HOMER2: variants seen among roughly 807,000 people sequenced by gnomAD.
The protein encoded by HOMER2 is homer protein homolog 2.
HOMER2 carries 27 observed loss-of-function variants against 47.0 expected under a neutral mutation model. The observed-to-expected ratio is 0.57, with a 90% CI of 0.42 to 0.79. The LOEUF is 0.79. HOMER2 is among the 30% of genes least tolerant of loss of function. HOMER2 has a pLI of 0.00. For missense variants in HOMER2, 443 were observed against 435.0 expected (o/e 1.02, Z -0.16); for synonymous variants, 161 against 163.8 (o/e 0.98, Z 0.13).
intron 4 of HOMER2, among the ~76,000 whole-genome samples, chr15:82,863,664 T>C (rs912255149): frequency 1.3e-5 from 2 of 152,158 alleles, no homozygotes; most frequent in Non-Finnish European, 2.9e-5. Context: ...TTAAAATAGG[T>C]CCTTTTCAGT....
At chr15:82,974,995 A>C (rs1757211877) in intron 1 of HOMER2, among the ~76,000 whole-genome samples, 1 of 152,108 alleles carries the variant, frequency 6.6e-6, no homozygotes, top group African/African-American at 2.4e-5. Flanking sequence ...ACGTGAACCC[A>C]GGTGGCAGAG....
At position 82,983,750 on chromosome 15, in the gene HOMER2, C is replaced by T. The variant is rs368613701; in HGVS notation, n.82+2037G>A. ...GATTACAGGCGCCCCTGACCACGCC[C>T]GGCTAATTTTTTTGATTTTTTAGTA... On this transcript the variant is annotated intron_variant and non_coding_transcript_variant, in intron 1 of 1. Transcript: ENST00000500334. Among the ~76,000 whole-genome samples, 13 of 151,994 alleles carry T rather than the reference C, an allele frequency of 8.6e-5. 1 individual carries two copies. In the South Asian group the frequency reaches 2.7e-3, roughly 32 times the overall value.
At position 82,859,087 on chromosome 15, in the gene HOMER2, G is replaced by A. The variant is rs1443557697; in HGVS notation, c.436C>T (p.Pro146Ser). The A allele has an allele frequency of 6.2e-7, 1 of 1,613,864 alleles. No homozygotes were observed. Among genetic ancestry groups the A allele is most frequent in the East Asian group, 2.2e-5 (1 of 44,890 alleles). ...TDDEKASHAG[P>S]ANTHLKSEND... Reference sequence around the variant, plus strand: ...TCAGACTTCAGGTGTGTGTTGGCTGGACCGGCGTGAGAGGCCTTTTCATCG... The same window carrying A: ...TCAGACTTCAGGTGTGTGTTGGCTGAACCGGCGTGAGAGGCCTTTTCATCG... The change falls in exon 5 of 9, where the codon CCA (proline) becomes TCA (serine). Residue 146 changes from proline to serine, a missense_variant. Coordinates refer to ENST00000450735, the MANE Select transcript of HOMER2 (RefSeq NM_004839.4).
At chr15:82,851,286 C>A (rs1451404555) in intron 7 of HOMER2, 55 bp from the exon 8 acceptor site, 1 of 1,264,692 alleles carries the variant, frequency 7.9e-7, no homozygotes, top group Non-Finnish European at 1.1e-6. Context: ...AAAATATATT[C>A]TTGAAAATCA....
At chr15:82,859,289 G>C (rs1268298632) in intron 4 of HOMER2, 154 bp from the exon 5 acceptor site, 45 of 964,200 alleles carry the variant, frequency 4.7e-5, no homozygotes, top group Non-Finnish European at 5.6e-5. Flanking sequence ...ATGCAGCAAA[G>C]ACTAACAAGT....
chr15:82,930,758 G>C (rs1421142989), intron 1 of HOMER2, among the ~76,000 whole-genome samples: 1 of 152,188 alleles, frequency 6.6e-6, no homozygotes, highest in Non-Finnish European at 1.5e-5. Flanking sequence ...GGGTGTGGTG[G>C]CTCATGCCTG....
rs1422403197 is a variant in HOMER2 at position 82,849,480 on chromosome 15, C to G, written c.*235G>C. 2 of 550,686 alleles carry G rather than the reference C, an allele frequency of 3.6e-6. No homozygotes were observed. The highest frequency in any genetic ancestry group is 6.4e-6 in the Non-Finnish European group (2 of 310,446). The allele number at this position is 550,686 out of a possible 1,614,324, so 34.1% of individuals were successfully genotyped here. On this transcript the variant is annotated 3_prime_UTR_variant, in exon 9 of 9. Coordinates refer to ENST00000450735, the MANE Select transcript of HOMER2 (RefSeq NM_004839.4). ...GACTGCATAAATGTTGAAGGTAGAC[C>G]TAGTTCTGGATTCCTGAGTCAGAAT...
chr15:82,911,074 G>A (rs1208139896), intron 1 of HOMER2, among the ~76,000 whole-genome samples: 1 of 152,190 alleles, frequency 6.6e-6, no homozygotes, highest in Non-Finnish European at 1.5e-5. Context: ...TTAAAGGAAT[G>A]TTATGTTGAT....
intron 3 of HOMER2, among the ~76,000 whole-genome samples, chr15:82,874,707 A>T (rs555470209): frequency 1.3e-5 from 2 of 152,264 alleles, no homozygotes; most frequent in Non-Finnish European, 2.9e-5. Flanking sequence ...ATTATGCATC[A>T]CCTTACTCCC....
intron 1 of HOMER2, among the ~76,000 whole-genome samples, chr15:82,978,972 G>A (rs772496206): frequency 1.3e-4 from 20 of 152,158 alleles, no homozygotes; most frequent in Non-Finnish European, 2.6e-4. Flanking sequence ...ACCCGCCTTG[G>A]CCTCCCAAAG....
chr15:82,893,266 AATGTT>A (rs1372153791), intron 1 of HOMER2, among the ~76,000 whole-genome samples: 2 of 151,834 alleles, frequency 1.3e-5, no homozygotes, highest in African/African-American at 4.8e-5. Context: ...TTTGCAGCTT[AATGTT>A]ATATTTCTAT....
chr15:82,907,447 GAGAA>G (rs779996058), intron 1 of HOMER2, among the ~76,000 whole-genome samples: 32 of 143,150 alleles, frequency 2.2e-4, no homozygotes, highest in Admixed American at 6.3e-4. Flanking sequence ...AAGAAAGAAA[GAGAA>G]AGAAAGAAGG....
intron 1 of HOMER2, among the ~76,000 whole-genome samples, 180 bp from the exon 2 acceptor site, chr15:82,893,021 T>A (rs1473036924): frequency 6.6e-6 from 1 of 152,152 alleles, no homozygotes; most frequent in Non-Finnish European, 1.5e-5. Context: ...AGTGAGTAGT[T>A]TTTGCAAACC....
At chr15:82,852,345 A>C in intron 6 of HOMER2, 93 bp from the exon 7 acceptor site, 1 of 870,374 alleles carries the variant, frequency 1.1e-6, no homozygotes, top group Non-Finnish European at 1.8e-6. Context: ...CTTTTCTTTT[A>C]AAATAAACCC....
In HOMER2 at chr15:82,916,814, T is replaced by C. The variant is rs116424737; in HGVS notation, c.6-23973A>G. 5.9e-3 allele frequency among the ~76,000 whole-genome samples: 899 copies of C among 151,332 alleles called. 7 individuals carry two copies. Among genetic ancestry groups the C allele is most frequent in the African/African-American group, 0.02 (810 of 41,230 alleles). ...GAAAGAGCCAGAGCCCTCATTTTTTTTTTTTTGAGACAGAGTCTCACTCTG... is the reference window on the plus strand; with the variant it reads ...GAAAGAGCCAGAGCCCTCATTTTTTCTTTTTTGAGACAGAGTCTCACTCTG... On this transcript the variant is annotated intron_variant, in intron 1 of 8. Coordinates refer to ENST00000450735, the MANE Select transcript of HOMER2 (RefSeq NM_004839.4).
intron 1 of HOMER2, among the ~76,000 whole-genome samples, chr15:82,947,788 T>C (rs996931823): frequency 2.0e-5 from 3 of 152,230 alleles, no homozygotes; most frequent in African/African-American, 4.8e-5. Context: ...CATTCAAGCA[T>C]TAACTCAATT....
intron 1 of HOMER2, among the ~76,000 whole-genome samples, chr15:82,979,611 A>T (rs1431995648): frequency 6.6e-6 from 1 of 152,062 alleles, no homozygotes; most frequent in Non-Finnish European, 1.5e-5. Context: ...GACATGAAGG[A>T]ATGAAGAGGA....
At chr15:82,985,470 G>A (rs910131644) in intron 1 of HOMER2, 1 of 152,190 alleles carries the variant, frequency 6.6e-6, no homozygotes, top group South Asian at 2.1e-4. Context: ...GAAGATGCAA[G>A]AATTACTGTA....
At chr15:82,840,034 A>G (rs1023661463) in exon 2 of HOMER2, 6 of 152,176 alleles carry the variant, frequency 3.9e-5, no homozygotes, top group African/African-American at 1.4e-4. Context: ...TAATTTCAAA[A>G]AACTCCAGTA....
Sources: allele counts gnomAD v4.1 joint callset (sites outside exome capture counted in the v4.1 genomes callset), GRCh38; gene constraint gnomAD v4.1.1; transcripts MANE v1.5; gene names NCBI Gene and HGNC (gene_info 2026-07-23, HGNC 2026-07-21).